Variants in UGT1A7 observed in about 807,000 individuals in gnomAD.
UGT1A7 encodes UDP-glucuronosyltransferase 1A7.
A neutral mutation model predicts 45.6 loss-of-function variants in UGT1A7; 33 were observed. The observed-to-expected ratio is 0.72, with a 90% CI of 0.55 to 0.97. The LOEUF (loss-of-function observed/expected upper bound fraction) is 0.97, where lower values mean the gene tolerates loss of function less well. Among genes scored for constraint, UGT1A7 ranks in the 50% least tolerant of loss-of-function variants. UGT1A7 has a pLI of 0.00. For synonymous variants in UGT1A7, 274 were observed against 250.6 expected, an observed-to-expected ratio of 1.09 and a Z score of -0.88; for missense variants, 684 against 666.2, an observed-to-expected ratio of 1.03 and a Z score of -0.29.
chr2:233,751,386 C>G (rs1694713563), intron 1 of UGT1A7, among the ~76,000 whole-genome samples: 1 of 152,086 alleles, frequency 6.6e-6, no homozygotes, highest in African/African-American at 2.4e-5. Flanking sequence ...TGCCTTGTCT[C>G]AGATAAGACT....
chr2:233,703,726 C>CT (rs958884874), intron 1 of UGT1A7, among the ~76,000 whole-genome samples: 15 of 151,578 alleles, frequency 9.9e-5, no homozygotes, highest in African/African-American at 2.2e-4. Context: ...TAAATATAAA[C>CT]TTTTTTTTGT....
At chr2:233,722,848 T>C (rs1217979615) in intron 1 of UGT1A7, among the ~76,000 whole-genome samples, 1 of 128,186 alleles carries the variant, frequency 7.8e-6, no homozygotes, top group Non-Finnish European at 1.7e-5. Flanking sequence ...AATGTTTCTT[T>C]TTTTTTTTTT....
chr2:233,695,837 G>C (rs1438595123), intron 1 of UGT1A7, among the ~76,000 whole-genome samples: 1 of 152,094 alleles, frequency 6.6e-6, no homozygotes, highest in Non-Finnish European at 1.5e-5. Flanking sequence ...AAACTCAAAG[G>C]GTTTTTCCTG....
rs1437497782 is a variant in UGT1A7 at position 233,724,378 on chromosome 2, G to T, written c.855+41586G>T. Among the ~76,000 whole-genome samples the T allele has an allele frequency of 2.7e-3, 397 of 146,668 alleles. 3 individuals carry two copies. Among genetic ancestry groups the T allele is most frequent in the African/African-American group, 9.7e-3 (383 of 39,674 alleles). ...CCCTCCCGGACGGGGTGGCTGCCGG[G>T]CGGAGACGCTCCTCACTTCCCAGAT... On this transcript the variant is annotated intron_variant, in intron 1 of 4. Transcript: ENST00000373426.
At chr2:233,765,087 G>A (rs1381800370) in intron 1 of UGT1A7, among the ~76,000 whole-genome samples, 3 of 152,094 alleles carry the variant, frequency 2.0e-5, no homozygotes, top group African/African-American at 7.2e-5. Flanking sequence ...CACATCTAGG[G>A]TGACCAGCAT....
intron 1 of UGT1A7, chr2:233,691,042 C>A (rs1369045618): frequency 2.0e-6 from 2 of 989,126 alleles, no homozygotes; most frequent in East Asian, 2.2e-4. Flanking sequence ...CCAACGTCCA[C>A]AGCAGAGTGG....
rs1201935304 is a variant in UGT1A7 at position 233,769,504 on chromosome 2, G to T, written c.1295+1065G>T. ...GCGTGTGTTTATGAGAGTGTCCATT[G>T]CTTTCTCCCATGGTTACCTCCTTTA... On this transcript the variant is annotated intron_variant, in intron 4 of 4. Transcript: ENST00000373426. This position sits in a 1 kb window ranked among gnomAD's most constrained non-coding sequence, Gnocchi z 4.4. The T allele has an allele frequency of 1.2e-6, 2 of 1,612,732 alleles. No homozygotes were observed. The highest frequency in any genetic ancestry group is 1.7e-4 in the Middle Eastern group (1 of 6,058).
At chr2:233,737,917 T>TG (rs1690633729) in intron 1 of UGT1A7, among the ~76,000 whole-genome samples, 4 of 152,026 alleles carry the variant, frequency 2.6e-5, no homozygotes, top group African/African-American at 4.8e-5. Flanking sequence ...AACAGGCTAG[T>TG]GTATTTAGTA....
chr2:233,720,049 G>A (rs1278605052), intron 1 of UGT1A7, among the ~76,000 whole-genome samples: 10 of 152,182 alleles, frequency 6.6e-5, no homozygotes, highest in East Asian at 5.8e-4. Context: ...TCAGCTGAAC[G>A]GTGATGCAAC....
At chr2:233,736,824 C>G (rs1056780594) in intron 1 of UGT1A7, among the ~76,000 whole-genome samples, 5 of 152,198 alleles carry the variant, frequency 3.3e-5, no homozygotes, top group African/African-American at 1.2e-4. Flanking sequence ...TCCAGATGCT[C>G]TTTGCTTTGG....
At position 233,729,883 on chromosome 2, in the gene UGT1A7, TC is replaced by T. The variant is rs771925903; in HGVS notation, c.856-37150del. ...AGTGGTGGATATTCTCAGTCATGCA[TC>T]TGTGTGGCTGTTCCGAGGGGACTTT... On this transcript the variant is annotated intron_variant, in intron 1 of 4. Transcript: ENST00000373426. The T allele has an allele frequency of 6.2e-6, 10 of 1,613,824 alleles. No individual in the cohort carries two copies. In the African/African-American group the frequency reaches 1.3e-4, roughly 22 times the overall value.
chr2:233,757,331 A>T (rs1696493214), intron 1 of UGT1A7, among the ~76,000 whole-genome samples: 1 of 150,806 alleles, frequency 6.6e-6, no homozygotes, highest in Non-Finnish European at 1.5e-5. Context: ...CTGAAATGGG[A>T]CCATGACAGC....
At chr2:233,689,068 A>G (rs2074925426) in intron 1 of UGT1A7, among the ~76,000 whole-genome samples, 1 of 152,202 alleles carries the variant, frequency 6.6e-6, no homozygotes, top group African/African-American at 2.4e-5. Flanking sequence ...TCCCTTTGTC[A>G]TGGCTTAACT....
chr2:233,729,379 A>C, intron 1 of UGT1A7: 1 of 1,613,990 alleles, frequency 6.2e-7, no homozygotes, highest in South Asian at 1.1e-5. Context: ...CATTTCGTGG[A>C]CCCAGGATGA....
intron 1 of UGT1A7, among the ~76,000 whole-genome samples, chr2:233,742,120 G>A (rs910307834): frequency 2.0e-5 from 3 of 151,826 alleles, no homozygotes; most frequent in South Asian, 4.1e-4. Context: ...CAGCTTGGTC[G>A]TGGAGACCCT....
intron 1 of UGT1A7, among the ~76,000 whole-genome samples, chr2:233,695,066 C>A (rs575360718): frequency 1.3e-5 from 2 of 152,204 alleles, no homozygotes; most frequent in African/African-American, 4.8e-5. Flanking sequence ...TGTGCTATCG[C>A]ACTTTGGACT....
intron 1 of UGT1A7, among the ~76,000 whole-genome samples, chr2:233,727,362 C>G (rs1360836232): frequency 6.6e-6 from 1 of 152,136 alleles, no homozygotes; most frequent in Admixed American, 6.5e-5. Context: ...ATCCTTAGGG[C>G]CCCTAGGTCT....
chr2:233,745,665 C>T (rs932654407), intron 1 of UGT1A7, among the ~76,000 whole-genome samples: 2 of 150,144 alleles, frequency 1.3e-5, no homozygotes, highest in South Asian at 4.2e-4. Context: ...GTGAACAAAG[C>T]AATTTGGGAA....
chr2:233,734,945 G>A (rs141411255), intron 1 of UGT1A7, among the ~76,000 whole-genome samples: 9,860 of 152,158 alleles, frequency 0.065, 535 homozygotes, highest in African/African-American at 0.16. Context: ...CATATGGTCA[G>A]TTTTAGAATA....
Sources: gnomAD v4.1 joint callset for allele counts (sites outside exome capture counted in the v4.1 genomes callset) on GRCh38, gnomAD v4.1.1 for gene constraint, Gnocchi (gnomAD v3.1) non-coding constraint, MANE v1.5 for transcripts, NCBI Gene and HGNC (gene_info 2026-07-23, HGNC 2026-07-21) for gene names.